ZNF800: variants seen among roughly 807,000 people sequenced by gnomAD.
The protein encoded by ZNF800 is zinc finger protein 800.
Under a neutral mutation model 59.5 loss-of-function variants are expected in ZNF800, and 13 were observed. The ratio of observed to expected loss-of-function variants is 0.22; its 90% CI spans 0.14 to 0.35. The LOEUF is 0.35. Among genes scored for constraint, ZNF800 ranks in the 10% least tolerant of loss-of-function variants. The pLI is 1.00. For missense variants in ZNF800, 621 were observed against 783.7 expected (o/e 0.79, Z 2.48); for synonymous variants, 266 against 265.7 (o/e 1.00, Z -0.01).
rs778750764 is a variant in ZNF800 at position 127,373,460 on chromosome 7, C to T, written c.1876G>A (p.Ala626Thr). The T allele has an allele frequency of 1.4e-5, 22 of 1,613,930 alleles. No homozygotes were observed. The highest frequency in any genetic ancestry group is 2.7e-5 in the African/African-American group (2 of 74,886). ...TCAAGGTAAGTCTTTTTGGCAAATG[C>T]CTTTCCACATTTATTGCATCTGTGA... Reference protein sequence around the residue: ...SLHRCNKCGKAFAKKTYLEHH... With the variant: ...SLHRCNKCGKTFAKKTYLEHH... The change falls in exon 5 of 6, where the codon GCA (alanine) becomes ACA (threonine). Residue 626 changes from alanine (A) to threonine (T), a missense_variant. Transcript: ENST00000265827.
intron 1 of ZNF800, among the ~76,000 whole-genome samples, chr7:127,357,679 A>C (rs11563644): frequency 0.035 from 5,354 of 152,144 alleles, 145 homozygotes; most frequent in Admixed American, 0.056. Context: ...TTTTCAAGAA[A>C]TAATCTTTTA....
intron 1 of ZNF800, among the ~76,000 whole-genome samples, chr7:127,355,793 A>T (rs1393216150): frequency 6.6e-6 from 1 of 152,092 alleles, no homozygotes; most frequent in African/African-American, 2.4e-5. Flanking sequence ...GAATGATGAC[A>T]TGCTAGTAAT....
chr7:127,366,149 C>T (rs895653819), downstream of ZNF800, among the ~76,000 whole-genome samples: 3 of 152,094 alleles, frequency 2.0e-5, no homozygotes, highest in Non-Finnish European at 4.4e-5. Flanking sequence ...GTCTTCTTGA[C>T]TCTTAAAAAA....
intron 2 of ZNF800, 62 bp downstream of exon 2, chr7:127,391,435 A>C: frequency 1.3e-6 from 2 of 1,540,404 alleles, no homozygotes; most frequent in Non-Finnish European, 1.8e-6. Context: ...AAGCTAGAAA[A>C]AAAGAGAAGG....
At chr7:127,352,022 CTTAAAG>C (rs771360651) in intron 1 of ZNF800, among the ~76,000 whole-genome samples, 44 of 152,222 alleles carry the variant, frequency 2.9e-4, no homozygotes, top group African/African-American at 8.7e-4. Flanking sequence ...GAATAAAAAT[CTTAAAG>C]TTAAAACAAT....
downstream of ZNF800, among the ~76,000 whole-genome samples, chr7:127,365,700 A>C (rs879565925): frequency 6.6e-6 from 1 of 152,174 alleles, no homozygotes; most frequent in Admixed American, 6.6e-5. Flanking sequence ...AAATGGCACC[A>C]AACTCCAGCA....
In ZNF800 at chr7:127,377,851, T is replaced by G. The variant is rs564504113; in HGVS notation, c.158-522A>C. ...CAAAACTGTATTACAGGATTGCCTG[T>G]GATTTTTCTCTTTAAATTCAGCTCA... On this transcript the variant is annotated intron_variant, in intron 3 of 5. Transcript: ENST00000265827. The surrounding 1 kb of genome is among the most constrained non-coding windows in gnomAD (Gnocchi z 4.7). Among the ~76,000 whole-genome samples the G allele has an allele frequency of 1.3e-5, 2 of 152,234 alleles. No individual in the cohort carries two copies. The highest frequency in any genetic ancestry group is 2.9e-5 in the Non-Finnish European group (2 of 67,944).
At chr7:127,363,320 A>G (rs1800433879) in intron 1 of ZNF800, 1 of 152,090 alleles carries the variant, frequency 6.6e-6, no homozygotes, top group Non-Finnish European at 1.5e-5. Flanking sequence ...TCGGGAATAG[A>G]GGAATCACTA....
At chr7:127,379,527 G>A (rs1800891928) in intron 3 of ZNF800, among the ~76,000 whole-genome samples, 1 of 152,120 alleles carries the variant, frequency 6.6e-6, no homozygotes, top group South Asian at 2.1e-4. Flanking sequence ...TAGGATACAT[G>A]TACATGGCTG....
At chr7:127,356,367 A>G (rs1320745196) in intron 1 of ZNF800, among the ~76,000 whole-genome samples, 1 of 152,030 alleles carries the variant, frequency 6.6e-6, no homozygotes, top group Non-Finnish European at 1.5e-5. Flanking sequence ...AAATGTTGGC[A>G]CAGGGCAAGA....
At position 127,385,656 on chromosome 7, in the gene ZNF800, G is replaced by A. The variant is rs17866319; in HGVS notation, c.157+404C>T. Reference sequence around the variant, plus strand: ...AAACATAAATAAGGTAATTAACCTAGAACAAATGACATCTCAGACATTCTG... The same window carrying A: ...AAACATAAATAAGGTAATTAACCTAAAACAAATGACATCTCAGACATTCTG... On this transcript the variant is annotated intron_variant, in intron 3 of 5. Coordinates refer to ENST00000265827, the MANE Select transcript of ZNF800 (RefSeq NM_176814.5). Among the ~76,000 whole-genome samples, 656 of 152,184 alleles carry A rather than the reference G, an allele frequency of 4.3e-3. 5 individuals carry two copies. Among genetic ancestry groups the A allele is most frequent in the African/African-American group, 0.015 (626 of 41,528 alleles).
At chr7:127,369,731 T>C (rs574892081), downstream of ZNF800, among the ~76,000 whole-genome samples, 2 of 152,206 alleles carry the variant, frequency 1.3e-5, no homozygotes, top group African/African-American at 4.8e-5. Context: ...CTCCTCTAGA[T>C]TCCTATTCTG....
intron 1 of ZNF800, chr7:127,364,167 A>G (rs1170020809): frequency 6.6e-6 from 1 of 152,102 alleles, no homozygotes; most frequent in Non-Finnish European, 1.5e-5. Context: ...GAAAAGGTAA[A>G]TTTGTAAGCA....
rs554329263 is a variant in ZNF800, at chr7:127,355,373, G to A, written n.225-7330C>T. Among the ~76,000 whole-genome samples the A allele has an allele frequency of 1.7e-3, 261 of 152,098 alleles. 2 individuals are homozygous for A. Among genetic ancestry groups the A allele is most frequent in the African/African-American group, 5.9e-3 (246 of 41,526 alleles). ...TCTTTCATAATTCTACATGCTGCAG[G>A]GTAAAACTGCTAGCCTTGGGTCTCA... On this transcript the variant is annotated intron_variant and non_coding_transcript_variant, in intron 1 of 1. Transcript: ENST00000485577.
downstream of ZNF800, among the ~76,000 whole-genome samples, chr7:127,369,609 TATG>T (rs973108182): frequency 4.6e-5 from 7 of 152,136 alleles, no homozygotes; most frequent in African/African-American, 1.7e-4. Context: ...ATTCAGCTAT[TATG>T]ATAAAATGTT....
chr7:127,360,295 C>T (rs983631805), intron 1 of ZNF800: 5 of 152,056 alleles, frequency 3.3e-5, no homozygotes, highest in African/African-American at 1.2e-4. Context: ...GAATTCACAT[C>T]CTGATTAAAT....
chr7:127,346,007 T>A (rs1274827138), downstream of ZNF800, among the ~76,000 whole-genome samples: 4 of 151,974 alleles, frequency 2.6e-5, no homozygotes, highest in Admixed American at 1.3e-4. Flanking sequence ...GGATTGATGA[T>A]GCAAAAGAGA....
At chr7:127,367,542 G>C (rs1364187178), downstream of ZNF800, among the ~76,000 whole-genome samples, 1 of 152,094 alleles carries the variant, frequency 6.6e-6, no homozygotes, top group Non-Finnish European at 1.5e-5. Flanking sequence ...ATTTAGCAGA[G>C]TGCTTGGCAT....
chr7:127,387,898 G>T (rs1334789415), intron 2 of ZNF800, among the ~76,000 whole-genome samples: 1 of 145,086 alleles, frequency 6.9e-6, no homozygotes, highest in Non-Finnish European at 1.5e-5. Flanking sequence ...TAATTTAGGT[G>T]TATTTTAGAT....
Sources: gnomAD v4.1 joint callset for allele counts (sites outside exome capture counted in the v4.1 genomes callset) on GRCh38, gnomAD v4.1.1 for gene constraint, Gnocchi (gnomAD v3.1) non-coding constraint, MANE v1.5 for transcripts, NCBI Gene and HGNC (gene_info 2026-07-23, HGNC 2026-07-21) for gene names.